Variants in PILRA observed in about 807,000 individuals in gnomAD.
PILRA encodes the protein paired immunoglobulin-like type 2 receptor alpha.
PILRA carries 37 observed loss-of-function variants against 33.1 expected under a neutral mutation model. The ratio of observed to expected loss-of-function variants is 1.12; its 90% CI spans 0.86 to 1.47. The LOEUF (loss-of-function observed/expected upper bound fraction) is 1.47. Among genes scored for constraint, PILRA ranks in the 40% most tolerant of loss-of-function variants. PILRA has a pLI of 0.00. For synonymous variants in PILRA, 146 were observed against 149.9 expected (o/e 0.97, Z 0.19); for missense variants, 312 against 376.2 (o/e 0.83, Z 1.41).
intron 3 of PILRA, among the ~76,000 whole-genome samples, chr7:100,394,712 A>G (rs972445204): frequency 6.6e-6 from 1 of 152,194 alleles, no homozygotes; most frequent in Admixed American, 6.5e-5. Flanking sequence ...AAGACTTGAC[A>G]AGGGTGCCAT....
intron 3 of PILRA, among the ~76,000 whole-genome samples, chr7:100,395,449 G>A (rs1200626361): frequency 6.6e-6 from 1 of 152,172 alleles, no homozygotes; most frequent in Non-Finnish European, 1.5e-5. Flanking sequence ...CCAGCCTCCA[G>A]AACTGTGAGA....
Position 100,397,932 on chromosome 7 carries a change from A to C in PILRA, c.707+20A>C. On this transcript the variant is annotated intron_variant, in intron 4 of 6. Transcript: ENST00000198536. ...AGCCAGGTGAGTGCTGGGCCTCCCC[A>C]GGGTGGGTTGGGGGGTGCATGTGCA... is the stretch of plus-strand genomic sequence containing the variant. 4 of 1,613,448 alleles carry C rather than the reference A, an allele frequency of 2.5e-6. No individual in the cohort carries two copies. The highest frequency in any genetic ancestry group is 3.4e-6 in the Non-Finnish European group (4 of 1,179,450).
intron 2 of PILRA, among the ~76,000 whole-genome samples, chr7:100,382,046 CCTCCACGAGGAGCGCCGCCCCCTG>C (rs1791116414): frequency 1.4e-5 from 2 of 146,888 alleles, no homozygotes; most frequent in African/African-American, 5.0e-5. Flanking sequence ...GCGGCCCAAG[CCTCCACGAGGAGCGCCGCCCCCTG>C]CTCCACGGCG....
At chr7:100,388,474 T>G (rs1378836825) in intron 2 of PILRA, among the ~76,000 whole-genome samples, 1 of 151,972 alleles carries the variant, frequency 6.6e-6, no homozygotes, top group Non-Finnish European at 1.5e-5. Context: ...GGCTCACACC[T>G]ATAATCCCAA....
At chr7:100,383,580 C>G (rs1791171741) in intron 2 of PILRA, among the ~76,000 whole-genome samples, 1 of 151,246 alleles carries the variant, frequency 6.6e-6, no homozygotes, top group Non-Finnish European at 1.5e-5. Flanking sequence ...CTCTGAGTGC[C>G]ATGGGAGCGA....
chr7:100,383,360 G>A (rs1048560154), intron 2 of PILRA, among the ~76,000 whole-genome samples: 12 of 152,170 alleles, frequency 7.9e-5, no homozygotes, highest in African/African-American at 2.7e-4. Flanking sequence ...AAGGCACAAC[G>A]CAGGGATAGA....
At chr7:100,384,426 A>AG (rs1301819262) in intron 2 of PILRA, among the ~76,000 whole-genome samples, 2 of 151,150 alleles carry the variant, frequency 1.3e-5, no homozygotes, top group African/African-American at 2.4e-5. Context: ...AAAAAAAAAA[A>AG]AAATTTTTTT....
At chr7:100,379,444 G>C (rs1791032798) in intron 2 of PILRA, among the ~76,000 whole-genome samples, 1 of 152,018 alleles carries the variant, frequency 6.6e-6, no homozygotes, top group Admixed American at 6.6e-5. Context: ...GAGGAGGGTA[G>C]ATCTTGAGGT....
At chr7:100,375,779 G>A (rs6965458) in intron 2 of PILRA, among the ~76,000 whole-genome samples, 20,868 of 152,168 alleles carry the variant, frequency 0.14, 1,790 homozygotes, top group Non-Finnish European at 0.19. Flanking sequence ...GGGATGGTGA[G>A]CTGCAGAGCT....
At chr7:100,389,716 C>G (rs911181414) in intron 2 of PILRA, among the ~76,000 whole-genome samples, 172 bp from the exon 3 acceptor site, 5 of 152,084 alleles carry the variant, frequency 3.3e-5, no homozygotes, top group Non-Finnish European at 7.4e-5. Flanking sequence ...ACTGAGTCGT[C>G]TGCATTGAAA....
chr7:100,397,825 T>A, intron 3 of PILRA, 54 bp from the exon 4 acceptor site: 1 of 1,586,874 alleles, frequency 6.3e-7, no homozygotes, highest in Non-Finnish European at 8.6e-7. Context: ...GAAGGTGGGA[T>A]GGAGACTGCC....
chr7:100,396,687 C>T (rs1473988734), intron 3 of PILRA, among the ~76,000 whole-genome samples: 1 of 151,938 alleles, frequency 6.6e-6, no homozygotes, highest in Non-Finnish European at 1.5e-5. Flanking sequence ...CTGACACATA[C>T]TACAGTATAA....
In PILRA at chr7:100,374,291, T is replaced by C. The variant is rs202237202; in HGVS notation, c.312T>C (p.Gly104=). ...GGCTCTTTCTGAACTGGACAGAGGG[T>C]CAGAAGAGCGGCTTCCTCAGGATCT... is the stretch of plus-strand genomic sequence containing the variant. ...VNRLFLNWTE[G]QKSGFLRISN... Residue 104 remains glycine (G), a synonymous_variant, in exon 2 of 7, where the codon GGT becomes GGC. Coordinates refer to ENST00000198536, the MANE Select transcript of PILRA (RefSeq NM_013439.3). 2 of 1,613,902 alleles carry C rather than the reference T, an allele frequency of 1.2e-6. No homozygotes were observed. The highest frequency in any genetic ancestry group is 1.7e-6 in the Non-Finnish European group (2 of 1,179,946).
At chr7:100,379,600 G>A (rs1228789443) in intron 2 of PILRA, among the ~76,000 whole-genome samples, 5 of 150,058 alleles carry the variant, frequency 3.3e-5, no homozygotes, top group African/African-American at 9.8e-5. Flanking sequence ...CCTGGGAGAC[G>A]GAAGTTGCAG....
Position 100,399,889 on chromosome 7 carries a change from C to T in PILRA, c.894C>T (p.Tyr298=). The change falls in exon 7 of 7, where the codon TAC becomes TAT. Residue 298 remains tyrosine (Y), a synonymous_variant. Transcript: ENST00000198536. The part of the protein sequence containing the change: ...PLKSPQNETL[Y]SVLKA ...AGAGCCCCCAGAACGAGACCCTGTA[C>T]TCTGTCTTAAAGGCCTAACCAATGG... 6.2e-7 allele frequency: 1 copy of T among 1,611,480 alleles called. No homozygotes were observed. The highest frequency in any genetic ancestry group is 8.5e-7 in the Non-Finnish European group (1 of 1,178,738).
At chr7:100,372,778 C>T (rs1790850484), upstream of PILRA, among the ~76,000 whole-genome samples, 1 of 152,184 alleles carries the variant, frequency 6.6e-6, no homozygotes, top group Non-Finnish European at 1.5e-5. Flanking sequence ...CAGGCCCAGA[C>T]ATCTGGGTTG....
intron 3 of PILRA, among the ~76,000 whole-genome samples, chr7:100,391,320 A>G (rs1449096667): frequency 6.6e-6 from 1 of 151,546 alleles, no homozygotes; most frequent in Non-Finnish European, 1.5e-5. Flanking sequence ...TCACCACTGC[A>G]CTCCAGCCTG....
intron 3 of PILRA, among the ~76,000 whole-genome samples, chr7:100,392,864 G>A (rs1320090148): frequency 6.6e-6 from 1 of 152,090 alleles, no homozygotes; most frequent in Non-Finnish European, 1.5e-5. Flanking sequence ...AAATTCCACA[G>A]GGATCAAAGA....
chr7:100,391,233 G>A (rs567238955), intron 3 of PILRA, among the ~76,000 whole-genome samples: 1 of 147,560 alleles, frequency 6.8e-6, no homozygotes, highest in East Asian at 2.0e-4. Context: ...GCCTGTGCCT[G>A]TGGTACCAGC....
Sources: allele counts gnomAD v4.1 joint callset (sites outside exome capture counted in the v4.1 genomes callset), GRCh38; gene constraint gnomAD v4.1.1; transcripts MANE v1.5; gene names NCBI Gene and HGNC (gene_info 2026-07-23, HGNC 2026-07-21).